SLC6A6: variants seen among roughly 807,000 people sequenced by gnomAD.
SLC6A6 encodes solute carrier family 6 member 6.
A neutral mutation model predicts 68.8 loss-of-function variants in SLC6A6; 16 were observed. The ratio of observed to expected loss-of-function variants is 0.23; its 90% CI spans 0.16 to 0.35. The LOEUF is 0.35. Among genes scored for constraint, SLC6A6 ranks in the 10% least tolerant of loss-of-function variants. The probability of loss-of-function intolerance (pLI) is 1.00; values close to 1 mark genes in which losing one functional copy is unlikely to be tolerated. For synonymous variants in SLC6A6, 312 were observed against 315.4 expected (o/e 0.99, Z 0.12); for missense variants, 474 against 802.8 (o/e 0.59, Z 4.95).
At chr3:14,428,329 G>A (rs933120166) in intron 2 of SLC6A6, among the ~76,000 whole-genome samples, 14 of 152,338 alleles carry the variant, frequency 9.2e-5, no homozygotes, top group South Asian at 2.1e-4. Flanking sequence ...AGCACTCGGC[G>A]GGCATGGTGC....
intron 2 of SLC6A6, among the ~76,000 whole-genome samples, chr3:14,420,335 A>C (rs987958543): frequency 6.6e-6 from 1 of 152,234 alleles, no homozygotes; most frequent in African/African-American, 2.4e-5. Context: ...CTGGAGGCTG[A>C]GGCAAGAGAA....
intron 13 of SLC6A6, 79 bp downstream of exon 13, chr3:14,479,264 C>T: frequency 2.2e-6 from 2 of 899,480 alleles, no homozygotes; most frequent in South Asian, 1.3e-5. Flanking sequence ...AACCATCTTT[C>T]ATGCAGCATC....
intron 2 of SLC6A6, among the ~76,000 whole-genome samples, chr3:14,416,889 G>A (rs1175349163): frequency 2.0e-5 from 3 of 152,214 alleles, no homozygotes; most frequent in Non-Finnish European, 4.4e-5. Context: ...TGTCGCCTAC[G>A]CTGGGGTGCA....
intron 6 of SLC6A6, among the ~76,000 whole-genome samples, chr3:14,459,709 A>G (rs1273694944): frequency 2.0e-5 from 3 of 151,996 alleles, no homozygotes; most frequent in Admixed American, 6.6e-5. Context: ...CTTTCTTTAA[A>G]CAATGAGAAA....
At chr3:14,405,357 G>A (rs1699084055) in intron 1 of SLC6A6, among the ~76,000 whole-genome samples, 1 of 152,240 alleles carries the variant, frequency 6.6e-6, no homozygotes, top group Admixed American at 6.5e-5. Context: ...TTGTCCGCCT[G>A]TCAGTTTGTC....
At chr3:14,458,227 A>G in intron 6 of SLC6A6, 145 bp downstream of exon 6, 1 of 689,800 alleles carries the variant, frequency 1.4e-6, no homozygotes, top group Non-Finnish European at 2.5e-6. Context: ...TCTGGAAAAA[A>G]GTAAAACTCA....
At chr3:14,449,561 A>T (rs1335761861) in intron 5 of SLC6A6, among the ~76,000 whole-genome samples, 1 of 152,056 alleles carries the variant, frequency 6.6e-6, no homozygotes, top group Non-Finnish European at 1.5e-5. Flanking sequence ...TCAGACATTG[A>T]CTGGCCTGCC....
chr3:14,469,712 G>A (rs1700708549), intron 9 of SLC6A6, among the ~76,000 whole-genome samples: 1 of 152,174 alleles, frequency 6.6e-6, no homozygotes, highest in Non-Finnish European at 1.5e-5. Flanking sequence ...TCCAGTGTGA[G>A]AATTTGGCCC....
chr3:14,466,644 C>T lies in SLC6A6; in HGVS notation c.861C>T (p.Asp287=), dbSNP rs913945704. The change falls in exon 7 of 15, where the codon GAC becomes GAT. Residue 287 remains aspartate (D), a synonymous_variant. Transcript: ENST00000622186. ...YLYPDITRLE[D]PQVWIDAGTQ... ...ATCCTGACATCACCCGCCTTGAGGA[C>T]CCACAGGTACTGTGGGGCTGGGACA... The T allele has an allele frequency of 6.2e-7, 1 of 1,610,628 alleles. No homozygotes were observed. Among genetic ancestry groups the T allele is most frequent in the Non-Finnish European group, 8.5e-7 (1 of 1,177,786 alleles).
Position 14,447,827 on chromosome 3 carries a change from C to T in SLC6A6, c.599+11C>T. On this transcript the variant is annotated intron_variant, in intron 5 of 14. Coordinates refer to ENST00000622186, the MANE Select transcript of SLC6A6 (RefSeq NM_003043.6). ...CATCGAGTTCTGGGAGTAAGGCCAC[C>T]TCATTGAAGCAAGGAGGAGGACATG... The T allele has an allele frequency of 1.2e-6, 2 of 1,613,992 alleles. No individual in the cohort carries two copies. Among genetic ancestry groups the T allele is most frequent in the East Asian group, 4.5e-5 (2 of 44,878 alleles).
chr3:14,443,042 C>T (rs1178384299), intron 2 of SLC6A6, among the ~76,000 whole-genome samples: 1 of 152,214 alleles, frequency 6.6e-6, no homozygotes, highest in African/African-American at 2.4e-5. Flanking sequence ...AATATTGTTT[C>T]CATTCCAGCC....
intron 2 of SLC6A6, among the ~76,000 whole-genome samples, chr3:14,419,969 T>G (rs1417704126): frequency 6.6e-6 from 1 of 152,146 alleles, no homozygotes; most frequent in Non-Finnish European, 1.5e-5. Flanking sequence ...CCGCACCCAT[T>G]GTAAACTGGT....
chr3:14,404,613 GGGT>G, intron 1 of SLC6A6, among the ~76,000 whole-genome samples: 1 of 152,352 alleles, frequency 6.6e-6, no homozygotes, highest in Admixed American at 6.5e-5. Flanking sequence ...TTGTTTTAAT[GGGT>G]GGGTGACCTT....
chr3:14,431,380 G>A (rs1014724738), intron 2 of SLC6A6, among the ~76,000 whole-genome samples: 33 of 152,334 alleles, frequency 2.2e-4, no homozygotes, highest in African/African-American at 7.0e-4. Flanking sequence ...TTAATACTAG[G>A]TGTCAGGAAG....
chr3:14,458,014 C>G lies in SLC6A6; in HGVS notation c.664C>G (p.Leu222Val). Residue 222 changes from leucine (L) to valine (V), a missense_variant, in exon 6 of 15, where the codon CTC becomes GTC. By Grantham distance (32) the Leu-to-Val change is conservative. Coordinates refer to ENST00000622186, the MANE Select transcript of SLC6A6 (RefSeq NM_003043.6). ...HPGSLKWDLA[L>V]CLLLVWLVCF... ...AGGCTCTCTGAAATGGGACCTCGCT[C>G]TCTGCCTTCTTTTAGTCTGGCTAGT... 8 of 1,613,862 alleles carry G rather than the reference C, an allele frequency of 5.0e-6. No homozygotes were observed. Among genetic ancestry groups the G allele is most frequent in the South Asian group, 1.1e-5 (1 of 91,072 alleles).
intron 6 of SLC6A6, 67 bp downstream of exon 6, chr3:14,458,149 T>G (rs1038978605): frequency 2.1e-6 from 3 of 1,453,424 alleles, no homozygotes. Flanking sequence ...TCTCCCCCAC[T>G]TCCCGCCTGC....
At chr3:14,464,310 G>T (rs1700565390) in intron 6 of SLC6A6, among the ~76,000 whole-genome samples, 1 of 152,174 alleles carries the variant, frequency 6.6e-6, no homozygotes, top group Non-Finnish European at 1.5e-5. Flanking sequence ...CTGTGGGGCA[G>T]GTCCCCATTC....
chr3:14,438,210 A>G (rs1699903838), intron 2 of SLC6A6, among the ~76,000 whole-genome samples: 1 of 145,828 alleles, frequency 6.9e-6, no homozygotes, highest in African/African-American at 2.5e-5. Flanking sequence ...TAGAATTGCA[A>G]TGTGGCTGTT....
chr3:14,481,654 C>G lies in SLC6A6; in HGVS notation c.1552-17C>G. ...ATGCCCAGGACCCCTCTCCTGACTG[C>G]CCCCATCTCTCCGCAGGGATGTTTC... On this transcript the variant is annotated splice_polypyrimidine_tract_variant and intron_variant, in intron 13 of 14. Transcript: ENST00000622186. The surrounding 1 kb of genome is among the most constrained non-coding windows in gnomAD (Gnocchi z 4.7). 1 of 1,590,718 alleles carries G rather than the reference C, an allele frequency of 6.3e-7. No homozygotes were observed.
Sources: gnomAD v4.1 joint callset for allele counts (sites outside exome capture counted in the v4.1 genomes callset) on GRCh38, gnomAD v4.1.1 for gene constraint, Gnocchi (gnomAD v3.1) non-coding constraint, MANE v1.5 for transcripts, NCBI Gene and HGNC (gene_info 2026-07-23, HGNC 2026-07-21) for gene names.